The following PEX7 variants were observed in gnomAD, a reference collection of about 807,000 sequenced individuals.
PEX7 encodes the protein PTS2 receptor.
Under a neutral mutation model 47.5 loss-of-function variants are expected in PEX7, and 34 were observed. That is an observed-to-expected ratio of 0.72 (90% CI 0.54 to 0.95). The LOEUF (loss-of-function observed/expected upper bound fraction) is 0.95. Ranked by LOEUF, PEX7 falls within the 40% of genes least tolerant of loss-of-function variation. PEX7 has a pLI of 0.00. For synonymous variants in PEX7, 141 were observed against 148.8 expected, an observed-to-expected ratio of 0.95 and a Z score of 0.38; for missense variants, 394 against 400.3, an observed-to-expected ratio of 0.98 and a Z score of 0.13.
chr6:136,899,884 A>G (rs892033548), intron 9 of PEX7, among the ~76,000 whole-genome samples: 1 of 152,232 alleles, frequency 6.6e-6, no homozygotes, highest in Non-Finnish European at 1.5e-5. Flanking sequence ...TTTCTGATAC[A>G]TTTATTATAG....
chr6:136,833,972 T>C (rs1362970917), intron 3 of PEX7, among the ~76,000 whole-genome samples: 3 of 152,264 alleles, frequency 2.0e-5, no homozygotes, highest in African/African-American at 7.2e-5. Flanking sequence ...GTTTGGGACA[T>C]GCAGACAAAC....
intron 8 of PEX7, among the ~76,000 whole-genome samples, chr6:136,885,979 C>T (rs1183094130): frequency 2.0e-5 from 3 of 152,122 alleles, no homozygotes; most frequent in Non-Finnish European, 4.4e-5. Context: ...AGCTAATATA[C>T]ACAAATACTG....
At chr6:136,827,520 G>GTGTGT (rs1377921097) in intron 3 of PEX7, among the ~76,000 whole-genome samples, 2 of 150,068 alleles carry the variant, frequency 1.3e-5, no homozygotes, top group African/African-American at 4.9e-5. Context: ...GTGTGTGTGT[G>GTGTGT]TGTGTGTGTG....
intron 9 of PEX7, among the ~76,000 whole-genome samples, chr6:136,908,843 A>T (rs953282159): frequency 2.6e-5 from 4 of 152,158 alleles, no homozygotes; most frequent in Non-Finnish European, 4.4e-5. Context: ...CACTGCCTAG[A>T]ACATTTTCCT....
Position 136,828,457 on chromosome 6 carries a change from A to C in PEX7, c.339+1988A>C, listed in dbSNP as rs144608100. 6.0e-4 allele frequency among the ~76,000 whole-genome samples: 91 copies of C among 152,248 alleles called. No homozygotes were observed. The East Asian group carries it at 0.017, about 29-fold the overall frequency. On this transcript the variant is annotated intron_variant, in intron 3 of 9. Transcript: ENST00000318471. ...TAAGAAACTGCTTCTTGTAATCCCA[A>C]CTCTACCTTCTATAGCAACCAACTG...
intron 4 of PEX7, 89 bp from the exon 5 acceptor site, chr6:136,845,984 T>A: frequency 1.3e-6 from 1 of 763,658 alleles, no homozygotes; most frequent in South Asian, 1.4e-5. Context: ...TATATATAAA[T>A]GTATATAGTT....
chr6:136,904,743 T>C (rs1384323487), intron 9 of PEX7, among the ~76,000 whole-genome samples: 3 of 151,986 alleles, frequency 2.0e-5, no homozygotes, highest in African/African-American at 4.8e-5. Context: ...GTAAGTCCAT[T>C]AAACCTCTTT....
intron 8 of PEX7, among the ~76,000 whole-genome samples, chr6:136,888,244 T>C (rs1775500470): frequency 6.6e-6 from 1 of 152,148 alleles, no homozygotes; most frequent in Non-Finnish European, 1.5e-5. Context: ...GCCACACAGC[T>C]TCAAATGATC....
intron 5 of PEX7, among the ~76,000 whole-genome samples, chr6:136,866,375 A>G (rs1233620206): frequency 1.3e-5 from 2 of 152,150 alleles, no homozygotes; most frequent in African/African-American, 4.8e-5. Flanking sequence ...TGTTTAGTCA[A>G]TACTGTGTTT....
chr6:136,885,434 C>T (rs1234388943), intron 8 of PEX7, among the ~76,000 whole-genome samples: 1 of 152,110 alleles, frequency 6.6e-6, no homozygotes, highest in Non-Finnish European at 1.5e-5. Flanking sequence ...ATTTTAATTT[C>T]AGTGTTGTCA....
intron 1 of PEX7, chr6:136,823,309 G>A (rs1774119562): frequency 1.0e-6 from 1 of 985,326 alleles, no homozygotes; most frequent in African/African-American, 1.7e-5. Context: ...AGTCCCACGG[G>A]TGACACCATG....
intron 3 of PEX7, among the ~76,000 whole-genome samples, chr6:136,841,421 A>G (rs963174369): frequency 6.6e-6 from 1 of 151,988 alleles, no homozygotes; most frequent in Non-Finnish European, 1.5e-5. Flanking sequence ...GTATATTCCC[A>G]TTTATGTGTT....
intron 7 of PEX7, chr6:136,870,701 A>G (rs1250699278): frequency 2.6e-6 from 1 of 391,408 alleles, no homozygotes; most frequent in African/African-American, 2.2e-5. Context: ...CTATTTAAAA[A>G]ATTCTAAATT....
At chr6:136,826,119 T>C (rs1774185108) in intron 2 of PEX7, among the ~76,000 whole-genome samples, 200 bp from the exon 3 acceptor site, 1 of 152,236 alleles carries the variant, frequency 6.6e-6, no homozygotes, top group Non-Finnish European at 1.5e-5. Flanking sequence ...GACTGTTTTT[T>C]TTAACCTTTC....
chr6:136,885,199 C>T (rs573462881), intron 8 of PEX7, among the ~76,000 whole-genome samples: 78 of 152,230 alleles, frequency 5.1e-4, no homozygotes, highest in Non-Finnish European at 4.0e-4. Context: ...TCCGTGTCTT[C>T]CACATTGTAG....
chr6:136,897,595 A>G (rs1448454099), intron 8 of PEX7, among the ~76,000 whole-genome samples: 1 of 152,254 alleles, frequency 6.6e-6, no homozygotes, highest in Admixed American at 6.5e-5. Context: ...TCAAAAAAGA[A>G]GAAAGATAGT....
chr6:136,830,169 A>G, intron 3 of PEX7: 5 of 629,796 alleles, frequency 7.9e-6, no homozygotes, highest in Non-Finnish European at 1.4e-5. Flanking sequence ...CGTATGTCAC[A>G]TATTTTTCCT....
At chr6:136,845,468 G>T (rs372212162) in intron 3 of PEX7, 147 bp from the exon 4 acceptor site, 14 of 698,958 alleles carry the variant, frequency 2.0e-5, no homozygotes, top group Admixed American at 6.1e-5. Flanking sequence ...TCATTTCTCA[G>T]ACACCTTGTT....
chr6:136,826,595 A>G lies in PEX7; in HGVS notation c.339+126A>G, dbSNP rs552833819. The G allele has an allele frequency of 8.6e-6, 9 of 1,047,596 alleles. No individual in the cohort carries two copies. In the South Asian group the frequency reaches 9.6e-5, roughly 11 times the overall value. 64.9% of individuals were successfully genotyped at this position (1,047,596 alleles called of 1,614,324 possible). On this transcript the variant is annotated intron_variant, in intron 3 of 9. Coordinates refer to ENST00000318471, the MANE Select transcript of PEX7 (RefSeq NM_000288.4). ...GTTTAAACGTTAGCATTTCTTATAC[A>G]TACTAGATGTCACTTATTATTTGAT...
Sources: allele counts gnomAD v4.1 joint callset (sites outside exome capture counted in the v4.1 genomes callset), GRCh38; gene constraint gnomAD v4.1.1; transcripts MANE v1.5; gene names NCBI Gene and HGNC (gene_info 2026-07-23, HGNC 2026-07-21).